The following MARCHF4 variants were observed in gnomAD, a reference collection of about 807,000 sequenced individuals.
The protein encoded by MARCHF4 is E3 ubiquitin-protein ligase MARCHF4.
A neutral mutation model predicts 43.9 loss-of-function variants in MARCHF4; 14 were observed. The ratio of observed to expected loss-of-function variants is 0.32; its 90% CI spans 0.21 to 0.50. MARCHF4 has a LOEUF of 0.50. MARCHF4 is among the 20% of genes least tolerant of loss of function. The pLI is 0.98. For missense variants in MARCHF4, 468 were observed against 536.7 expected (o/e 0.87, Z 1.27); for synonymous variants, 226 against 213.3 (o/e 1.06, Z -0.52).
intron 3 of MARCHF4, among the ~76,000 whole-genome samples, chr2:216,270,222 T>C (rs1690913331): frequency 6.6e-6 from 1 of 152,118 alleles, no homozygotes; most frequent in Admixed American, 6.5e-5. Context: ...ACTGCAGGTG[T>C]GCACCACCAT....
chr2:216,304,057 C>A (rs2105951466), intron 1 of MARCHF4, among the ~76,000 whole-genome samples: 1 of 152,206 alleles, frequency 6.6e-6, no homozygotes, highest in East Asian at 1.9e-4. Context: ...GTCTGCACCA[C>A]AACAGAGGGT....
At chr2:216,353,551 T>G (rs1446579421) in intron 1 of MARCHF4, among the ~76,000 whole-genome samples, 1 of 152,182 alleles carries the variant, frequency 6.6e-6, no homozygotes, top group Non-Finnish European at 1.5e-5. Context: ...TTTCTTCTTC[T>G]TCTTCTTTTT....
At chr2:216,263,214 G>A (rs1690771215) in intron 3 of MARCHF4, among the ~76,000 whole-genome samples, 1 of 152,200 alleles carries the variant, frequency 6.6e-6, no homozygotes, top group African/African-American at 2.4e-5. Context: ...ATCACCTGAG[G>A]TCAGGAATTC....
rs145216860 is a variant in MARCHF4, at chr2:216,330,783, A to C, written c.516+38962T>G. Among the ~76,000 whole-genome samples, 1,202 of 152,272 alleles carry C rather than the reference A, an allele frequency of 7.9e-3. 14 individuals carry two copies. The highest frequency in any genetic ancestry group is 0.026 in the African/African-American group (1,085 of 41,570). ...GGGTTAAAGAAGAAATCACAGTGGA[A>C]AAATTTCATCCTTAATAATAAAATA... On this transcript the variant is annotated intron_variant, in intron 1 of 3. Coordinates refer to ENST00000273067, the MANE Select transcript of MARCHF4 (RefSeq NM_020814.3).
chr2:216,261,654 G>C (rs1023696952), intron 3 of MARCHF4, among the ~76,000 whole-genome samples: 3 of 152,200 alleles, frequency 2.0e-5, no homozygotes, highest in Non-Finnish European at 4.4e-5. Flanking sequence ...AACTAGAAGG[G>C]TCAGATGGGC....
chr2:216,365,788 T>C (rs1246579366), intron 1 of MARCHF4, among the ~76,000 whole-genome samples: 1 of 152,230 alleles, frequency 6.6e-6, no homozygotes, highest in Non-Finnish European at 1.5e-5. Flanking sequence ...CCTCACTGTC[T>C]GTGTGTTCTT....
intron 1 of MARCHF4, among the ~76,000 whole-genome samples, chr2:216,356,666 C>T (rs1692507787): frequency 1.3e-5 from 2 of 152,082 alleles, no homozygotes; most frequent in African/African-American, 4.8e-5. Flanking sequence ...AAGCCTCTTC[C>T]CTTTTAAGTT....
intron 1 of MARCHF4, among the ~76,000 whole-genome samples, chr2:216,293,950 G>T (rs866357752): frequency 1.2e-5 from 1 of 86,592 alleles, no homozygotes; most frequent in Non-Finnish European, 3.4e-5. Flanking sequence ...TATACTGTCC[G>T]TTTGTCTTTC....
At chr2:216,327,209 A>C (rs887806373) in intron 1 of MARCHF4, among the ~76,000 whole-genome samples, 3 of 152,112 alleles carry the variant, frequency 2.0e-5, no homozygotes, top group African/African-American at 7.2e-5. Flanking sequence ...TTAACTGGAC[A>C]GTTCAATACA....
chr2:216,269,184 C>T (rs558604573), intron 3 of MARCHF4, among the ~76,000 whole-genome samples: 1 of 152,318 alleles, frequency 6.6e-6, no homozygotes, highest in African/African-American at 2.4e-5. Flanking sequence ...AAGAGAGCCT[C>T]ATTTTTGCAG....
At chr2:216,302,385 A>ATTT (rs371839329) in intron 1 of MARCHF4, among the ~76,000 whole-genome samples, 164 of 139,832 alleles carry the variant, frequency 1.2e-3, no homozygotes, top group Non-Finnish European at 2.1e-3. Context: ...CGCCCATCTA[A>ATTT]TTTTTTTTTT....
rs182794944 is a variant in MARCHF4 at position 216,352,434 on chromosome 2, G to A, written c.516+17311C>T. 6.6e-4 allele frequency among the ~76,000 whole-genome samples: 101 copies of A among 152,354 alleles called. 1 individual carries two copies. The highest frequency in any genetic ancestry group is 2.4e-3 in the African/African-American group (99 of 41,586). The stretch of plus-strand genomic sequence containing the variant: ...TGAGTGTGCAGAGAAAGGAGGATGA[G>A]TGAGTGCTTGTGTATGGAAGCAAAG... On this transcript the variant is annotated intron_variant, in intron 1 of 3. Coordinates refer to ENST00000273067, the MANE Select transcript of MARCHF4 (RefSeq NM_020814.3).
chr2:216,348,717 T>C (rs763329390), intron 1 of MARCHF4, among the ~76,000 whole-genome samples: 3 of 152,234 alleles, frequency 2.0e-5, no homozygotes, highest in African/African-American at 4.8e-5. Flanking sequence ...CTTTACTCTA[T>C]GGACTTGCCC....
intron 3 of MARCHF4, among the ~76,000 whole-genome samples, chr2:216,267,619 G>T (rs538018313): frequency 2.0e-5 from 3 of 152,270 alleles, no homozygotes. Context: ...CATACCTATA[G>T]CTCTAGGTTA....
intron 1 of MARCHF4, among the ~76,000 whole-genome samples, chr2:216,302,385 ATT>A (rs371839329): frequency 0.27 from 37,346 of 139,726 alleles, 5,783 homozygotes; most frequent in Non-Finnish European, 0.35. Context: ...CGCCCATCTA[ATT>A]TTTTTTTTTT....
At chr2:216,318,554 A>G (rs540064358) in intron 1 of MARCHF4, among the ~76,000 whole-genome samples, 1 of 152,334 alleles carries the variant, frequency 6.6e-6, no homozygotes, top group African/African-American at 2.4e-5. Context: ...AAATTTGAGC[A>G]GAGACTGGAA....
chr2:216,339,903 T>A (rs1692211077), intron 1 of MARCHF4, among the ~76,000 whole-genome samples: 1 of 151,902 alleles, frequency 6.6e-6, no homozygotes, highest in South Asian at 2.1e-4. Flanking sequence ...ATTTCCACCA[T>A]CTCTCTGGGC....
At chr2:216,316,082 A>C (rs1172218297) in intron 1 of MARCHF4, among the ~76,000 whole-genome samples, 1 of 152,214 alleles carries the variant, frequency 6.6e-6, no homozygotes, top group African/African-American at 2.4e-5. Flanking sequence ...TTTCCCAGGG[A>C]AACAAAGCCC....
intron 1 of MARCHF4, among the ~76,000 whole-genome samples, chr2:216,339,308 C>T (rs1053572137): frequency 1.3e-5 from 2 of 152,206 alleles, no homozygotes; most frequent in Non-Finnish European, 2.9e-5. Flanking sequence ...CTGCACCTCC[C>T]TCTGCTCCTC....
Sources: gnomAD v4.1 joint callset for allele counts (sites outside exome capture counted in the v4.1 genomes callset) on GRCh38, gnomAD v4.1.1 for gene constraint, MANE v1.5 for transcripts, NCBI Gene and HGNC (gene_info 2026-07-23, HGNC 2026-07-21) for gene names.